P2RX6: variants seen among roughly 807,000 people sequenced by gnomAD.
The protein encoded by P2RX6 is purinergic receptor P2X 6.
P2RX6 carries 62 observed loss-of-function variants against 54.2 expected under a neutral mutation model. That is an observed-to-expected ratio of 1.14 (90% CI 0.93 to 1.41). The LOEUF (loss-of-function observed/expected upper bound fraction) is 1.41, where lower values mean the gene tolerates loss of function less well. Among genes scored for constraint, P2RX6 ranks in the 40% most tolerant of loss-of-function variants. The probability of loss-of-function intolerance (pLI) is 0.00; values close to 1 mark genes in which losing one functional copy is unlikely to be tolerated. For missense variants in P2RX6, 541 were observed against 566.3 expected (o/e 0.96, Z 0.45); for synonymous variants, 211 against 231.9 (o/e 0.91, Z 0.82).
In P2RX6 at chr22:21,023,560, GA is replaced by G. The variant is rs1927867135; in HGVS notation, c.833del (p.Asp278AlafsTer201). The G allele has an allele frequency of 1.2e-6, 2 of 1,613,592 alleles. No homozygotes were observed. The highest frequency in any genetic ancestry group is 2.7e-5 in the African/African-American group (2 of 74,918). On this transcript the variant is annotated frameshift_variant, in exon 8 of 12. Transcript: ENST00000413302. LOFTEE classifies it high-confidence loss of function. ...VHWDCDLDTG[D>X]SGCWPHYSFQ... ...CTGGGATTGTGACCTGGACACCGGG[GA>G]CTCTGGCTGCTGGCCTCACTACTCC...
upstream of P2RX6, chr22:21,011,696 A>G (rs564278646): frequency 1.5e-4 from 100 of 645,214 alleles, no homozygotes; most frequent in African/African-American, 1.5e-3. Flanking sequence ...GGCAGAGGAA[A>G]AGGACTTACA....
At chr22:21,018,643 T>C (rs1380057008) in intron 3 of P2RX6, 2 of 157,932 alleles carry the variant, frequency 1.3e-5, no homozygotes, top group African/African-American at 2.4e-5. Context: ...AGACGGAGTT[T>C]CACTCTGTCA....
chr22:21,018,141 T>G, intron 3 of P2RX6, 81 bp downstream of exon 3: 5 of 883,648 alleles, frequency 5.7e-6, no homozygotes, highest in Non-Finnish European at 9.4e-6. Flanking sequence ...CCCTTTCCCC[T>G]TCCCAGGTGG....
At position 21,016,077 on chromosome 22, in the gene P2RX6, C is replaced by G. The variant is rs373448044; in HGVS notation, c.300C>G (p.Phe100Leu). ...LGNRLWDVAD[F>L]VKPPQGENVF... ...ACCGGCTGTGGGATGTGGCCGACTT[C>G]GTGAAGCCACCTCAGGTGGGGGCCC... Residue 100 changes from phenylalanine to leucine, a missense_variant, in exon 2 of 12, where the codon TTC becomes TTG. Phe to Leu is a conservative substitution (Grantham distance 22, BLOSUM62 0). Transcript: ENST00000413302. The G allele has an allele frequency of 2.6e-6, 4 of 1,563,172 alleles. No homozygotes were observed. Among genetic ancestry groups the G allele is most frequent in the Middle Eastern group, 2.3e-4 (1 of 4,382 alleles).
intron 3 of P2RX6, 60 bp downstream of exon 3, chr22:21,018,120 C>A (rs1926751140): frequency 1.8e-6 from 2 of 1,087,794 alleles, no homozygotes; most frequent in Admixed American, 1.9e-5. Flanking sequence ...CCCAGGGGGC[C>A]ACCCGTGTTT....
chr22:21,016,338 C>G (rs942306927), intron 2 of P2RX6, among the ~76,000 whole-genome samples: 6 of 152,028 alleles, frequency 3.9e-5, no homozygotes, highest in Non-Finnish European at 8.8e-5. Flanking sequence ...TGGCTCACGC[C>G]TGTAATCCCA....
upstream of P2RX6, chr22:21,014,979 C>T (rs1210791799): frequency 2.0e-6 from 1 of 504,092 alleles, no homozygotes; most frequent in Non-Finnish European, 3.4e-6. Flanking sequence ...TCTCTGTGTG[C>T]CAGGGCCCAG....
rs1016083100 is a variant in P2RX6, at chr22:21,015,873, T to A, written c.165-69T>A. 4 of 1,474,574 alleles carry A rather than the reference T, an allele frequency of 2.7e-6. No homozygotes were observed. The African/African-American group carries it at 5.6e-5, about 21-fold the overall frequency. 91.3% of individuals were successfully genotyped at this position (1,474,574 alleles called of 1,614,324 possible). A position where few individuals can be genotyped will look rare whatever the true frequency, so the allele number is the denominator to read the frequency against. ...GGGTGTGGGGGGAGAACTGAGCATG[T>A]AGGGCTCAGCTCCGCCCCTGTCACT... is the stretch of plus-strand genomic sequence containing the variant. On this transcript the variant is annotated intron_variant, in intron 1 of 11. Coordinates refer to ENST00000413302, the MANE Select transcript of P2RX6 (RefSeq NM_005446.5).
upstream of P2RX6, chr22:21,012,653 G>C: frequency 1.9e-6 from 1 of 539,174 alleles, no homozygotes; most frequent in Admixed American, 2.6e-5. Context: ...GCCAGAGACC[G>C]GCGCCCTGGG....
chr22:21,027,038 G>A lies in P2RX6; in HGVS notation c.*421G>A. ...TCCCCCATCTGCACCCCCATCATAG[G>A]TAGAGACCCCACCCTCCCATCGGTC... is the stretch of plus-strand genomic sequence containing the variant. On this transcript the variant is annotated 3_prime_UTR_variant, in exon 12 of 12. Transcript: ENST00000413302. 4.9e-6 allele frequency: 1 copy of A among 204,422 alleles called. No individual in the cohort carries two copies. The highest frequency in any genetic ancestry group is 5.3e-5 in the Admixed American group (1 of 18,992). The allele number at this position is 204,422 out of a possible 1,614,324, so 12.7% of individuals were successfully genotyped here.
chr22:21,015,392 GTGGGGCT>G, intron 1 of P2RX6, 54 bp downstream of exon 1: 1 of 1,508,344 alleles, frequency 6.6e-7, no homozygotes, highest in Non-Finnish European at 8.8e-7. Context: ...GAGGTGGGGG[GTGGGGCT>G]TGGTCCTGCT....
chr22:21,023,146 T>C lies in P2RX6; in HGVS notation c.586T>C (p.Phe196Leu). The change falls in exon 6 of 12, where the codon TTC becomes CTC. Residue 196 changes from phenylalanine (F) to leucine (L), a missense_variant. By Grantham distance (22) the Phe-to-Leu change is conservative (BLOSUM62 0). Transcript: ENST00000413302. ...SRPLLAQAQN[F>L]TLFIKNTVTF... Reference sequence around the variant, plus strand: ...GCCCCTGCTGGCCCAGGCCCAGAACTTCACACTGTTCATCAAAAACACAGT... The same window carrying C: ...GCCCCTGCTGGCCCAGGCCCAGAACCTCACACTGTTCATCAAAAACACAGT... The C allele has an allele frequency of 6.2e-7, 1 of 1,613,808 alleles. No individual in the cohort carries two copies. Among genetic ancestry groups the C allele is most frequent in the Non-Finnish European group, 8.5e-7 (1 of 1,179,814 alleles).
chr22:21,022,613 G>A, intron 3 of P2RX6, 63 bp from the exon 4 acceptor site: 1 of 1,296,744 alleles, frequency 7.7e-7, no homozygotes, highest in South Asian at 1.6e-5. Context: ...CTGCCTTTGA[G>A]ACTGGGCTGT....
At chr22:21,024,627 A>G (rs1261368713) in intron 8 of P2RX6, among the ~76,000 whole-genome samples, 2 of 150,836 alleles carry the variant, frequency 1.3e-5, no homozygotes, top group African/African-American at 2.4e-5. Flanking sequence ...CTGGAATGCA[A>G]TGGCGTGGTC....
Position 21,022,664 on chromosome 22 carries a change from C to T in P2RX6, c.388-12C>T. 6.6e-7 allele frequency: 1 copy of T among 1,520,562 alleles called. No individual in the cohort carries two copies. The highest frequency in any genetic ancestry group is 8.8e-7 in the Non-Finnish European group (1 of 1,134,048). The allele number at this position is 1,520,562 out of a possible 1,614,324, so 94.2% of individuals were successfully genotyped here. On this transcript the variant is annotated splice_polypyrimidine_tract_variant and intron_variant, in intron 3 of 11. Coordinates refer to ENST00000413302, the MANE Select transcript of P2RX6 (RefSeq NM_005446.5). ...CCTGTGCCATTGGTGACTGCTCTCTCTCCCACCTCAGCACCCGTCCGTCCC... is the reference window on the plus strand; with the variant it reads ...CCTGTGCCATTGGTGACTGCTCTCTTTCCCACCTCAGCACCCGTCCGTCCC...
chr22:21,015,627 C>T (rs953467350), intron 1 of P2RX6, among the ~76,000 whole-genome samples: 3 of 152,058 alleles, frequency 2.0e-5, no homozygotes, highest in Non-Finnish European at 4.4e-5. Context: ...GAGCACTAGG[C>T]CCCCAGAGAG....
upstream of P2RX6, chr22:21,011,383 C>T: frequency 1.4e-5 from 9 of 637,512 alleles, 1 homozygote; most frequent in South Asian, 1.4e-4. Context: ...GCAGGCATTA[C>T]CTGCTTGGTC....
chr22:21,011,492 C>T (rs371816835), upstream of P2RX6: 36 of 712,726 alleles, frequency 5.1e-5, 2 homozygotes, highest in African/African-American at 5.3e-4. Flanking sequence ...AGGCCATTCC[C>T]TGACAGCTGC....
intron 8 of P2RX6, among the ~76,000 whole-genome samples, chr22:21,024,651 A>T (rs1601776357): frequency 6.6e-6 from 1 of 151,808 alleles, no homozygotes; most frequent in South Asian, 2.1e-4. Flanking sequence ...GCTCACTGCA[A>T]CCTCTGCCTC....
Sources: allele counts gnomAD v4.1 joint callset (sites outside exome capture counted in the v4.1 genomes callset), GRCh38; gene constraint gnomAD v4.1.1; transcripts MANE v1.5; gene names NCBI Gene and HGNC (gene_info 2026-07-23, HGNC 2026-07-21).